Variants in ERBB4 observed in about 807,000 individuals in gnomAD.
ERBB4 encodes the protein receptor tyrosine-protein kinase erbB-4.
In ERBB4, 42 loss-of-function variants were observed where a neutral mutation model predicts 158.0. That is an observed-to-expected ratio of 0.27 (90% CI 0.21 to 0.34). The LOEUF (loss-of-function observed/expected upper bound fraction) is 0.34. Among genes scored for constraint, ERBB4 ranks in the 10% least tolerant of loss-of-function variants. The pLI is 1.00. For missense variants in ERBB4, 1,333 were observed against 1,624.1 expected (o/e 0.82, Z 3.08); for synonymous variants, 583 against 558.7 (o/e 1.04, Z -0.61).
At chr2:212,244,088 C>A (rs1054427811) in intron 1 of ERBB4, among the ~76,000 whole-genome samples, 1 of 151,778 alleles carries the variant, frequency 6.6e-6, no homozygotes. Context: ...AAAAACCTTA[C>A]GGTTTCAACA....
At chr2:211,419,015 T>C (rs1043410731) in intron 25 of ERBB4, among the ~76,000 whole-genome samples, 2 of 152,108 alleles carry the variant, frequency 1.3e-5, no homozygotes, top group Non-Finnish European at 2.9e-5. Flanking sequence ...TGGAGGTAGA[T>C]GAGTAAAAGG....
chr2:211,793,957 G>A (rs935396647), intron 3 of ERBB4, among the ~76,000 whole-genome samples: 1 of 151,754 alleles, frequency 6.6e-6, no homozygotes, highest in Non-Finnish European at 1.5e-5. Flanking sequence ...TATTGGGAGC[G>A]GGTAGAGGGT....
intron 15 of ERBB4, among the ~76,000 whole-genome samples, chr2:211,660,396 A>G (rs755511389): frequency 1.2e-4 from 18 of 152,212 alleles, no homozygotes; most frequent in African/African-American, 1.9e-4. Flanking sequence ...CAAAAGATAG[A>G]GGGAATAAAA....
intron 20 of ERBB4, among the ~76,000 whole-genome samples, chr2:211,544,477 C>A (rs924276060): frequency 6.6e-6 from 1 of 151,900 alleles, no homozygotes; most frequent in African/African-American, 2.4e-5. Flanking sequence ...ACGCTTGGGT[C>A]GAGCTGAAGA....
intron 2 of ERBB4, among the ~76,000 whole-genome samples, chr2:212,010,254 CT>C (rs549060556): frequency 2.0e-4 from 31 of 152,154 alleles, no homozygotes; most frequent in Non-Finnish European, 4.0e-4. Context: ...TATTATTTAC[CT>C]TTTAACCCTC....
intron 19 of ERBB4, among the ~76,000 whole-genome samples, chr2:211,597,082 T>C (rs1281806741): frequency 6.6e-6 from 1 of 152,170 alleles, no homozygotes. Context: ...ACTCACTCTA[T>C]CGAGCGAGTA....
intron 4 of ERBB4, among the ~76,000 whole-genome samples, chr2:211,759,773 T>C (rs911947711): frequency 6.6e-6 from 1 of 151,728 alleles, no homozygotes; most frequent in Non-Finnish European, 1.5e-5. Flanking sequence ...AAAAAATTCA[T>C]AACCTTGAAT....
chr2:212,205,085 T>C (rs1305937343), intron 1 of ERBB4, among the ~76,000 whole-genome samples: 1 of 152,062 alleles, frequency 6.6e-6, no homozygotes, highest in Non-Finnish European at 1.5e-5. Flanking sequence ...CCCAAAGTGC[T>C]AGAATTACAG....
At chr2:212,324,893 A>G (rs1383370452) in intron 1 of ERBB4, among the ~76,000 whole-genome samples, 1 of 150,384 alleles carries the variant, frequency 6.6e-6, no homozygotes, top group African/African-American at 2.4e-5. Context: ...TTTTCCTCCT[A>G]AGTTCTGGTA....
intron 1 of ERBB4, among the ~76,000 whole-genome samples, chr2:212,194,987 A>G (rs1416744954): frequency 6.6e-6 from 1 of 152,002 alleles, no homozygotes; most frequent in Admixed American, 6.6e-5. Flanking sequence ...AAAATGCATT[A>G]AAAATATAAT....
At position 211,639,275 on chromosome 2, in the gene ERBB4, C is replaced by T. The variant is rs1231211198; in HGVS notation, c.1947-8681G>A. On this transcript the variant is annotated intron_variant, in intron 16 of 27. Coordinates refer to ENST00000342788, the MANE Select transcript of ERBB4 (RefSeq NM_005235.3). The stretch of plus-strand genomic sequence containing the variant: ...ATATTTAATTACAGAACAAATTAAC[C>T]GTTAAGTATCACTATGTCCTATTAC... Among the ~76,000 whole-genome samples the T allele has an allele frequency of 1.3e-5, 2 of 151,958 alleles. 1 individual carries two copies. The highest frequency in any genetic ancestry group is 4.8e-5 in the African/African-American group (2 of 41,398).
intron 2 of ERBB4, among the ~76,000 whole-genome samples, chr2:212,032,415 T>C (rs1263776634): frequency 6.6e-6 from 1 of 152,030 alleles, no homozygotes; most frequent in Admixed American, 6.6e-5. Flanking sequence ...TAGAAAGCAA[T>C]ATGAAAATGC....
Position 211,861,140 on chromosome 2 carries a change from A to T in ERBB4, c.422-72981T>A, listed in dbSNP as rs867783408. On this transcript the variant is annotated intron_variant, in intron 3 of 27. Transcript: ENST00000342788. ...ATATATATTTTATATATATATATAT[A>T]TATATATATATATATTAAAAAAAAG... Among the ~76,000 whole-genome samples, 233 of 31,888 alleles carry T rather than the reference A, an allele frequency of 7.3e-3. 28 individuals are homozygous for T. Among genetic ancestry groups the T allele is most frequent in the South Asian group, 0.014 (12 of 858 alleles). The allele number at this position is 31,888 out of a possible 152,430, so 20.9% of individuals were successfully genotyped here.
At chr2:212,373,850 TC>T (rs2090185930) in intron 1 of ERBB4, among the ~76,000 whole-genome samples, 2 of 139,186 alleles carry the variant, frequency 1.4e-5, no homozygotes, top group Non-Finnish European at 3.1e-5. Context: ...CATGTATATA[TC>T]CATGTATATA....
intron 5 of ERBB4, among the ~76,000 whole-genome samples, chr2:211,736,460 A>G (rs2074604729): frequency 1.3e-5 from 2 of 152,198 alleles, no homozygotes; most frequent in Admixed American, 6.5e-5. Context: ...TAATCTACTA[A>G]CAAGTTGCAA....
intron 14 of ERBB4, among the ~76,000 whole-genome samples, chr2:211,669,970 A>C (rs2071776399): frequency 6.6e-6 from 1 of 152,336 alleles, no homozygotes; most frequent in African/African-American, 2.4e-5. Context: ...GGTAAACATA[A>C]GTATATATCA....
intron 1 of ERBB4, among the ~76,000 whole-genome samples, chr2:212,148,519 G>T (rs559862176): frequency 1.2e-4 from 18 of 152,232 alleles, no homozygotes; most frequent in Non-Finnish European, 2.5e-4. Context: ...CTTTCAAAGA[G>T]CTGAGGATGA....
At chr2:212,153,051 T>G (rs975818681) in intron 1 of ERBB4, among the ~76,000 whole-genome samples, 1 of 152,174 alleles carries the variant, frequency 6.6e-6, no homozygotes, top group East Asian at 1.9e-4. Context: ...TCTACAGACA[T>G]ATGACAAAGA....
At chr2:212,233,845 T>C (rs2083750356) in intron 1 of ERBB4, among the ~76,000 whole-genome samples, 2 of 152,016 alleles carry the variant, frequency 1.3e-5, no homozygotes, top group Admixed American at 1.3e-4. Context: ...ATTTATCTTA[T>C]TTGGGAGTTT....
Sources: gnomAD v4.1 joint callset for allele counts (sites outside exome capture counted in the v4.1 genomes callset) on GRCh38, gnomAD v4.1.1 for gene constraint, MANE v1.5 for transcripts, NCBI Gene and HGNC (gene_info 2026-07-23, HGNC 2026-07-21) for gene names.